The following TP53BP1 variants were observed in gnomAD, a reference collection of about 807,000 sequenced individuals.
The protein encoded by TP53BP1 is TP53-binding protein 1.
A neutral mutation model predicts 200.8 loss-of-function variants in TP53BP1; 61 were observed. The observed-to-expected ratio is 0.30, with a 90% confidence interval of 0.25 to 0.38. The LOEUF (loss-of-function observed/expected upper bound fraction) is 0.38, where lower values mean the gene tolerates loss of function less well. Among genes scored for constraint, TP53BP1 ranks in the 10% least tolerant of loss-of-function variants. The pLI, the probability that TP53BP1 is intolerant of heterozygous loss-of-function variation, is 1.00. For missense variants in TP53BP1, 2,144 were observed against 2,371.9 expected (o/e 0.90, Z 2.00); for synonymous variants, 822 against 844.3 (o/e 0.97, Z 0.46).
chr15:43,418,930 C>A (rs2045329121), intron 21 of TP53BP1, among the ~76,000 whole-genome samples: 1 of 152,174 alleles, frequency 6.6e-6, no homozygotes, highest in African/African-American at 2.4e-5. Flanking sequence ...TAGAGAAGGC[C>A]ACCTGTCCCT....
chr15:43,485,482 C>G (rs2079032820), intron 4 of TP53BP1, among the ~76,000 whole-genome samples: 1 of 147,892 alleles, frequency 6.8e-6, no homozygotes, highest in Non-Finnish European at 1.5e-5. Flanking sequence ...GAGGCTGAGG[C>G]AGGAGAATGA....
chr15:43,505,778 A>G lies in TP53BP1; in HGVS notation c.-9+4592T>C, dbSNP rs1343697102. On this transcript the variant is annotated intron_variant, in intron 1 of 27. Transcript: ENST00000263801. ...GCCTTTTTAAAGGTTATTTTACTCC[A>G]TGCCTTTGCAGACAAACCAGCTGTT... Among the ~76,000 whole-genome samples, 4 of 152,202 alleles carry G rather than the reference A, an allele frequency of 2.6e-5. No individual in the cohort carries two copies. In the East Asian group the frequency reaches 7.7e-4, roughly 29 times the overall value.
chr15:43,472,900 C>T (rs2046761428), intron 10 of TP53BP1, among the ~76,000 whole-genome samples: 2 of 152,140 alleles, frequency 1.3e-5, no homozygotes, highest in African/African-American at 4.8e-5. Flanking sequence ...AAGAATGAAG[C>T]CGCGGACCCT....
At position 43,405,534 on chromosome 15, in the gene TP53BP1, G is replaced by C; in HGVS notation, c.*1849C>G. The C allele has an allele frequency of 2.9e-6, 1 of 345,414 alleles. No homozygotes were observed. Among genetic ancestry groups the C allele is most frequent in the South Asian group, 6.4e-5 (1 of 15,712 alleles). The allele number at this position is 345,414 out of a possible 1,614,324, so 21.4% of individuals were successfully genotyped here. A position where few individuals can be genotyped will look rare whatever the true frequency, so the allele number is the denominator to read the frequency against. On this transcript the variant is annotated 3_prime_UTR_variant, in exon 28 of 28. Coordinates refer to ENST00000382044, the MANE Select transcript of TP53BP1 (RefSeq NM_001141980.3). ...GTACCTTGGTACTGTTCAAGCTGTG[G>C]GAGATACAGCGGTAAACAAACAATA...
intron 11 of TP53BP1, among the ~76,000 whole-genome samples, chr15:43,465,788 CTGTTT>C (rs1318534224): frequency 2.8e-5 from 4 of 143,252 alleles, no homozygotes; most frequent in Non-Finnish European, 4.4e-5. Flanking sequence ...TGCCTTCACA[CTGTTT>C]TGTTTTTTGT....
chr15:43,471,289 T>C (rs2046718583), intron 10 of TP53BP1, among the ~76,000 whole-genome samples: 1 of 152,200 alleles, frequency 6.6e-6, no homozygotes, highest in Non-Finnish European at 1.5e-5. Context: ...CTTTATGCAT[T>C]GAAAACTGAA....
chr15:43,431,906 G>C (rs1321714007), intron 17 of TP53BP1, among the ~76,000 whole-genome samples: 1 of 152,164 alleles, frequency 6.6e-6, no homozygotes, highest in Non-Finnish European at 1.5e-5. Context: ...GAATGTAGAA[G>C]AGTATTACAG....
chr15:43,492,025 T>C lies in TP53BP1; in HGVS notation c.263A>G (p.His88Arg), dbSNP rs369919425. The C allele has an allele frequency of 1.1e-5, 18 of 1,614,044 alleles. No individual in the cohort carries two copies. In the African/African-American group the frequency reaches 1.2e-4, roughly 11 times the overall value. ...RGDGNSGFNEHLKENKVADPV... is the reference protein window; with the variant it reads ...RGDGNSGFNERLKENKVADPV... ...ACCTGCAACCTTGTTTTCTTTCAAA[T>C]GTTCATTGAACCCACTATTACCGTC... is the stretch of plus-strand genomic sequence containing the variant. The change falls in exon 3 of 28, where the codon CAT becomes CGT. Residue 88 changes from histidine (H) to arginine (R), a missense_variant. By Grantham distance (29) the His-to-Arg change is conservative (BLOSUM62 0). Around this residue, in one of 4 missense-constraint regions of TP53BP1, gnomAD observed 1,700 missense variants for 1,710.3 expected, o/e 0.99. Transcript: ENST00000382044.
At chr15:43,477,027 G>A (rs1595607340) in intron 8 of TP53BP1, among the ~76,000 whole-genome samples, 1 of 152,288 alleles carries the variant, frequency 6.6e-6, no homozygotes, top group East Asian at 1.9e-4. Flanking sequence ...GCAGCCAGGT[G>A]TGGTGACTCA....
At chr15:43,437,231 A>ATCTC (rs1344378546) in intron 16 of TP53BP1, among the ~76,000 whole-genome samples, 1 of 152,138 alleles carries the variant, frequency 6.6e-6, no homozygotes, top group Non-Finnish European at 1.5e-5. Context: ...GATGTTAAAC[A>ATCTC]TCTCATATTT....
At chr15:43,498,608 T>G (rs2079193295) in intron 1 of TP53BP1, among the ~76,000 whole-genome samples, 1 of 152,182 alleles carries the variant, frequency 6.6e-6, no homozygotes, top group South Asian at 2.1e-4. Context: ...GTTCTAGATT[T>G]GAGAAGACTA....
chr15:43,502,580 G>A (rs2140179505), intron 1 of TP53BP1, among the ~76,000 whole-genome samples: 1 of 150,252 alleles, frequency 6.7e-6, no homozygotes, highest in South Asian at 2.1e-4. Context: ...TCAGCCTCCT[G>A]AGCAGCTGGG....
At chr15:43,466,760 G>T (rs1246582341) in intron 11 of TP53BP1, among the ~76,000 whole-genome samples, 3 of 152,164 alleles carry the variant, frequency 2.0e-5, no homozygotes, top group Admixed American at 2.0e-4. Flanking sequence ...AGGAGGCCGA[G>T]GTGGGAGGAT....
In TP53BP1 at chr15:43,415,709, G is replaced by C. The variant is rs1306499585; in HGVS notation, c.4974C>G (p.Ile1658Met). The stretch of plus-strand genomic sequence containing the variant: ...CCATGGAGGCACGAGGACTTTCTGT[G>C]ATCTTTCGGGTAGGGGTTGTGCTGC... ...SSSSTTPTRK[I>M]TESPRASMGV... Residue 1658 changes from isoleucine (I) to methionine (M), a missense_variant, in exon 23 of 28, where the codon ATC becomes ATG. Physicochemically the swap from Ile to Met is conservative, Grantham distance 10. Coordinates refer to ENST00000382044, the MANE Select transcript of TP53BP1 (RefSeq NM_001141980.3). The C allele has an allele frequency of 1.9e-6, 3 of 1,614,162 alleles. No individual in the cohort carries two copies. The highest frequency in any genetic ancestry group is 1.1e-5 in the South Asian group (1 of 91,074).
In TP53BP1 at chr15:43,456,087, G is replaced by A; in HGVS notation, c.2521C>T (p.Pro841Ser). The change falls in exon 12 of 28, where the codon CCT (proline) becomes TCT (serine). Residue 841 changes from proline (P) to serine (S), a missense_variant. Physicochemically the swap from Pro to Ser is moderately conservative, Grantham distance 74. Around this residue, in one of 4 missense-constraint regions of TP53BP1, gnomAD observed 1,700 missense variants for 1,710.3 expected, o/e 0.99. Transcript: ENST00000382044. ...VEQDSSQPSL[P>S]LVRADDPLRL... ...AAAGGATCATCTGCTCTCACTAAAG[G>A]TAAGGAAGGCTGTGAAGAATCTTGC... 3 of 1,614,182 alleles carry A rather than the reference G, an allele frequency of 1.9e-6. No individual in the cohort carries two copies. Among genetic ancestry groups the A allele is most frequent in the Non-Finnish European group, 2.5e-6 (3 of 1,180,028 alleles).
intron 25 of TP53BP1, 67 bp from the exon 26 acceptor site, chr15:43,409,163 T>A: frequency 6.8e-7 from 1 of 1,469,826 alleles, no homozygotes; most frequent in Non-Finnish European, 9.5e-7. Context: ...GCAGCAGCCA[T>A]AATGAGCCAT....
At chr15:43,482,259 C>CAAG (rs894285734) in intron 4 of TP53BP1, among the ~76,000 whole-genome samples, 5 of 151,980 alleles carry the variant, frequency 3.3e-5, no homozygotes, top group African/African-American at 1.2e-4. Flanking sequence ...ACAACAACAA[C>CAAG]AAGAAACAAC....
intron 22 of TP53BP1, 132 bp downstream of exon 22, chr15:43,416,093 C>T: frequency 1.2e-6 from 1 of 858,994 alleles, no homozygotes; most frequent in Non-Finnish European, 1.8e-6. Context: ...AATGACAGCT[C>T]ATCCACCATC....
intron 12 of TP53BP1, among the ~76,000 whole-genome samples, chr15:43,454,369 CTT>C (rs34866809): frequency 9.5e-5 from 14 of 147,552 alleles, no homozygotes; most frequent in East Asian, 6.0e-4. Flanking sequence ...TATAATAACT[CTT>C]TTTTTTTTTG....
Sources: gnomAD v4.1 joint callset for allele counts (sites outside exome capture counted in the v4.1 genomes callset) on GRCh38, gnomAD v4.1.1 for gene constraint, gnomAD v4.1.1 regional missense constraint, MANE v1.5 for transcripts, NCBI Gene and HGNC (gene_info 2026-07-23, HGNC 2026-07-21) for gene names.